Variants in ACACB observed in about 807,000 individuals in gnomAD.
The protein encoded by ACACB is acetyl-CoA carboxylase beta, also known as acetyl-CoA carboxylase 2.
In ACACB, 209 loss-of-function variants were observed where a neutral mutation model predicts 278.8. The observed-to-expected ratio is 0.75, with a 90% CI of 0.67 to 0.84. ACACB has a LOEUF of 0.84. Among genes scored for constraint, ACACB ranks in the 40% least tolerant of loss-of-function variants. ACACB has a pLI of 0.00. For missense variants in ACACB, 2,850 were observed against 3,269.0 expected (o/e 0.87, Z 3.13); for synonymous variants, 1,174 against 1,285.6 (o/e 0.91, Z 1.86).
intron 41 of ACACB, 134 bp downstream of exon 41, chr12:109,250,238 C>A: frequency 2.1e-6 from 2 of 952,426 alleles, no homozygotes; most frequent in African/African-American, 1.7e-5. Context: ...CACATGCCAG[C>A]CCACTGATAT....
chr12:109,210,469 ATACATGTG>A (rs1468118484), intron 21 of ACACB, among the ~76,000 whole-genome samples: 1 of 147,912 alleles, frequency 6.8e-6, no homozygotes, highest in African/African-American at 2.5e-5. Flanking sequence ...ATATACGCAC[ATACATGTG>A]TATATGTGTA....
At position 109,216,950 on chromosome 12, in the gene ACACB, T is replaced by C. The variant is rs2046020232; in HGVS notation, c.3564+30T>C. ...GCAGGAAGAGGGCCTGTTACTAGAC[T>C]GGGGGTGGGTCAGGAGTCCACAAAC... On this transcript the variant is annotated intron_variant, in intron 24 of 52. Coordinates refer to ENST00000338432, the MANE Select transcript of ACACB (RefSeq NM_001093.4). The C allele has an allele frequency of 1.9e-6, 3 of 1,608,578 alleles. No individual in the cohort carries two copies. The Admixed American group carries it at 5.0e-5, about 27-fold the overall frequency.
At chr12:109,150,535 A>G (rs1641958985) in intron 2 of ACACB, among the ~76,000 whole-genome samples, 1 of 152,238 alleles carries the variant, frequency 6.6e-6, no homozygotes, top group Admixed American at 6.5e-5. Flanking sequence ...CACTGAGGTA[A>G]GAACAGTTTA....
At position 109,258,956 on chromosome 12, in the gene ACACB, G is replaced by T. The variant is rs370150345; in HGVS notation, c.6361-17G>T. 1.9e-6 allele frequency: 3 copies of T among 1,613,618 alleles called. No individual in the cohort carries two copies. Among genetic ancestry groups the T allele is most frequent in the Admixed American group, 1.7e-5 (1 of 60,000 alleles). On this transcript the variant is annotated splice_polypyrimidine_tract_variant and intron_variant, in intron 46 of 52. Coordinates refer to ENST00000338432, the MANE Select transcript of ACACB (RefSeq NM_001093.4). ...GGTTGTGCAGAGACATCTGATCCCC[G>T]CAGCTCTGTGTTCCAGATAATTCAG...
At chr12:109,234,110 C>A in intron 31 of ACACB, 65 bp downstream of exon 31, 1 of 1,372,136 alleles carries the variant, frequency 7.3e-7, no homozygotes, top group South Asian at 1.2e-5. Flanking sequence ...CTGGGCTCGT[C>A]GAGGCGGCCC....
intron 11 of ACACB, among the ~76,000 whole-genome samples, chr12:109,182,131 C>A (rs922029237): frequency 6.6e-6 from 1 of 152,140 alleles, no homozygotes; most frequent in Non-Finnish European, 1.5e-5. Flanking sequence ...GCTTGAGCCA[C>A]CGCGCCCAGC....
At chr12:109,216,311 T>G (rs1312671815) in intron 22 of ACACB, among the ~76,000 whole-genome samples, 1 of 151,388 alleles carries the variant, frequency 6.6e-6, no homozygotes, top group Non-Finnish European at 1.5e-5. Context: ...AACCTCCTCT[T>G]CCCGGATTCA....
chr12:109,223,285 C>A (rs934629901), intron 26 of ACACB, among the ~76,000 whole-genome samples: 7 of 152,168 alleles, frequency 4.6e-5, no homozygotes, highest in African/African-American at 1.4e-4. Context: ...TCAGGTACCC[C>A]CTCAGTGCCT....
At chr12:109,190,066 G>T (rs192427906) in intron 13 of ACACB, among the ~76,000 whole-genome samples, 1 of 152,140 alleles carries the variant, frequency 6.6e-6, no homozygotes, top group East Asian at 1.9e-4. Flanking sequence ...AGCTGAGATC[G>T]TGCCATTTCA....
intron 2 of ACACB, among the ~76,000 whole-genome samples, chr12:109,140,415 G>A (rs1380306214): frequency 2.0e-5 from 3 of 151,794 alleles, no homozygotes; most frequent in Non-Finnish European, 4.4e-5. Flanking sequence ...CCAGCACTTT[G>A]GGAGGCCAAG....
intron 2 of ACACB, among the ~76,000 whole-genome samples, chr12:109,145,607 G>C (rs558127521): frequency 1.2e-4 from 18 of 152,230 alleles, no homozygotes; most frequent in African/African-American, 4.1e-4. Flanking sequence ...CCTGTAACCA[G>C]CTGGAGCACT....
intron 16 of ACACB, 23 bp downstream of exon 16, chr12:109,193,752 G>T (rs370248200): frequency 1.9e-6 from 3 of 1,578,368 alleles, no homozygotes; most frequent in Admixed American, 3.3e-5. Flanking sequence ...GTGCCTCTCC[G>T]ATGTCTCCAA....
intron 2 of ACACB, among the ~76,000 whole-genome samples, chr12:109,150,325 T>C (rs1283023066): frequency 2.6e-5 from 4 of 152,170 alleles, no homozygotes; most frequent in Non-Finnish European, 5.9e-5. Flanking sequence ...GGTGGGCTTC[T>C]TCCAAAGTTC....
At chr12:109,119,022 A>AT (rs1440629062) in intron 1 of ACACB, among the ~76,000 whole-genome samples, 4 of 152,150 alleles carry the variant, frequency 2.6e-5, no homozygotes, top group Non-Finnish European at 5.9e-5. Flanking sequence ...CAAGGTATTG[A>AT]TTATTGGGTA....
chr12:109,265,379 C>A lies in ACACB; in HGVS notation c.7114-10C>A. 6.2e-7 allele frequency: 1 copy of A among 1,613,562 alleles called. No homozygotes were observed. Among genetic ancestry groups the A allele is most frequent in the Non-Finnish European group, 8.5e-7 (1 of 1,179,800 alleles). Reference sequence around the variant, plus strand: ...GTCCCTCTCTGAGGCATCCTCTGCCCCCTCCCCAGGCCTACTTGTGGGACA... The same window carrying A: ...GTCCCTCTCTGAGGCATCCTCTGCCACCTCCCCAGGCCTACTTGTGGGACA... On this transcript the variant is annotated splice_polypyrimidine_tract_variant and intron_variant, in intron 51 of 52. Coordinates refer to ENST00000338432, the MANE Select transcript of ACACB (RefSeq NM_001093.4).
At chr12:109,126,491 T>C (rs866513960) in intron 1 of ACACB, among the ~76,000 whole-genome samples, 1 of 152,086 alleles carries the variant, frequency 6.6e-6, no homozygotes, top group Admixed American at 6.6e-5. Context: ...AAGACCAGCC[T>C]GGGCAACACA....
chr12:109,265,362 C>A, intron 51 of ACACB, 27 bp from the exon 52 acceptor site: 1 of 1,612,650 alleles, frequency 6.2e-7, no homozygotes, highest in Non-Finnish European at 8.5e-7. Context: ...GGGTCCCTCT[C>A]TGAGGCATCC....
At chr12:109,178,157 T>C (rs902679711) in intron 9 of ACACB, among the ~76,000 whole-genome samples, 10 of 152,252 alleles carry the variant, frequency 6.6e-5, no homozygotes, top group African/African-American at 2.4e-4. Flanking sequence ...TACTTTTACA[T>C]AGACATTCAT....
At chr12:109,236,522 A>C (rs1463949662) in intron 33 of ACACB, 1 of 152,730 alleles carries the variant, frequency 6.5e-6, no homozygotes, top group African/African-American at 2.4e-5. Flanking sequence ...TTTCACTCTA[A>C]CAGTAGCAGA....
Sources: gnomAD v4.1 joint callset for allele counts (sites outside exome capture counted in the v4.1 genomes callset) on GRCh38, gnomAD v4.1.1 for gene constraint, MANE v1.5 for transcripts, NCBI Gene and HGNC (gene_info 2026-07-23, HGNC 2026-07-21) for gene names.